The following CYP4F3 variants were observed in gnomAD, a reference collection of about 807,000 sequenced individuals.
CYP4F3 encodes the protein cytochrome P450 family 4 subfamily F member 3, also known as cytochrome P450 4F3.
CYP4F3 carries 50 observed loss-of-function variants against 54.8 expected under a neutral mutation model. That is an observed-to-expected ratio of 0.91 (90% CI 0.73 to 1.16). The LOEUF is 1.16. Ranked by LOEUF, CYP4F3 falls within the 50% of genes most tolerant of loss-of-function variation. The pLI is 0.00. For missense variants in CYP4F3, 715 were observed against 676.2 expected, an observed-to-expected ratio of 1.06 and a Z score of -0.64; for synonymous variants, 244 against 262.6, an observed-to-expected ratio of 0.93 and a Z score of 0.69.
chr19:15,656,907 T>G (rs1973043015), intron 9 of CYP4F3, among the ~76,000 whole-genome samples: 1 of 152,200 alleles, frequency 6.6e-6, no homozygotes, highest in South Asian at 2.1e-4. Flanking sequence ...GGTGCCTTAA[T>G]GCTATCTTTT....
intron 2 of CYP4F3, among the ~76,000 whole-genome samples, chr19:15,645,510 G>C (rs1972596580): frequency 6.6e-6 from 1 of 152,196 alleles, no homozygotes; most frequent in Admixed American, 6.5e-5. Context: ...GATCCACATG[G>C]GGAAAGAGCT....
At chr19:15,654,037 A>G (rs1488209641) in intron 9 of CYP4F3, among the ~76,000 whole-genome samples, 1 of 152,050 alleles carries the variant, frequency 6.6e-6, no homozygotes, top group Non-Finnish European at 1.5e-5. Context: ...AGGACCAGCT[A>G]TAGAATGAGA....
intron 9 of CYP4F3, among the ~76,000 whole-genome samples, chr19:15,655,660 T>G (rs2683053): frequency 6.6e-6 from 1 of 152,072 alleles, no homozygotes; most frequent in East Asian, 1.9e-4. Flanking sequence ...ATATGAACAC[T>G]TACTGTGCTT....
intron 9 of CYP4F3, among the ~76,000 whole-genome samples, chr19:15,655,940 A>G (rs1218264112): frequency 6.6e-6 from 1 of 152,214 alleles, no homozygotes; most frequent in East Asian, 1.9e-4. Flanking sequence ...TTTGAAGTTT[A>G]CTTTCTTAGC....
chr19:15,643,417 G>T (rs371542091), intron 2 of CYP4F3, among the ~76,000 whole-genome samples: 8,832 of 148,754 alleles, frequency 0.059, 511 homozygotes, highest in East Asian at 0.24. Context: ...TAGATAGATA[G>T]ATAGATAGAT....
chr19:15,653,760 GAGAGAGAGA>G (rs1304191519), intron 9 of CYP4F3, among the ~76,000 whole-genome samples: 2 of 150,198 alleles, frequency 1.3e-5, no homozygotes, highest in African/African-American at 4.9e-5. Flanking sequence ...GAGAGAGAGA[GAGAGAGAGA>G]GAGAGAGAGA....
chr19:15,656,856 T>A (rs1973041531), intron 9 of CYP4F3, among the ~76,000 whole-genome samples: 1 of 152,206 alleles, frequency 6.6e-6, no homozygotes, highest in Admixed American at 6.5e-5. Context: ...CTGTTTTACA[T>A]GTACATATGT....
At chr19:15,641,272 C>T in intron 1 of CYP4F3, 143 bp from the exon 2 acceptor site, 1 of 1,079,168 alleles carries the variant, frequency 9.3e-7, no homozygotes, top group South Asian at 1.6e-5. Context: ...CTTTACCCCT[C>T]AGCCCCTGTT....
intron 7 of CYP4F3, among the ~76,000 whole-genome samples, chr19:15,651,995 C>A (rs944576747): frequency 8.5e-5 from 13 of 152,058 alleles, no homozygotes; most frequent in African/African-American, 2.9e-4. Context: ...TTCCCCTGTA[C>A]GTGCAGCAGA....
chr19:15,647,554 C>T (rs769356552), intron 5 of CYP4F3, among the ~76,000 whole-genome samples: 6 of 152,142 alleles, frequency 3.9e-5, no homozygotes, highest in Non-Finnish European at 7.3e-5. Flanking sequence ...TTTCTATGTT[C>T]GCGTCACCCG....
intron 3 of CYP4F3, 43 bp from the exon 4 acceptor site, chr19:15,647,009 T>A: frequency 6.2e-7 from 1 of 1,611,544 alleles, no homozygotes; most frequent in Non-Finnish European, 8.5e-7. Context: ...AAGTTCCTCC[T>A]TCACCTGCCT....
chr19:15,642,116 T>G (rs1398381174), intron 2 of CYP4F3, among the ~76,000 whole-genome samples: 1 of 152,170 alleles, frequency 6.6e-6, no homozygotes, highest in Admixed American at 6.5e-5. Flanking sequence ...GGGGTCCTGT[T>G]GCCAAACCCA....
Position 15,659,335 on chromosome 19 carries a change from G to C in CYP4F3, c.1513G>C (p.Val505Leu), listed in dbSNP as rs1270945930. ...CGAGCCCCGCAGGAAGCCGGAGCTG[G>C]TCCTGCGCGCAGAGGGCGGACTTTG... Reference protein sequence around the residue: ...HTEPRRKPELVLRAEGGLWLR... With the variant: ...HTEPRRKPELLLRAEGGLWLR... Residue 505 changes from valine (V) to leucine (L), a missense_variant, in exon 13 of 13, where the codon GTC (valine) becomes CTC (leucine). Coordinates refer to ENST00000221307, the MANE Select transcript of CYP4F3 (RefSeq NM_000896.3). The C allele has an allele frequency of 2.5e-6, 4 of 1,613,490 alleles. No homozygotes were observed. The Admixed American group carries it at 5.0e-5, about 20-fold the overall frequency.
chr19:15,658,200 A>G, intron 9 of CYP4F3, 64 bp from the exon 10 acceptor site: 1 of 1,583,530 alleles, frequency 6.3e-7, no homozygotes, highest in Non-Finnish European at 8.5e-7. Context: ...TTGCAAACAG[A>G]GAGAAGCTGG....
intron 2 of CYP4F3, chr19:15,643,860 C>A: frequency 6.7e-7 from 1 of 1,483,234 alleles, no homozygotes; most frequent in African/African-American, 1.4e-5. Flanking sequence ...AAGTGGACAC[C>A]TAGAATTAAC....
At chr19:15,650,658 CTTTTTCTTTCTTTCTTTCTTTCTT>C (rs1171758192) in intron 7 of CYP4F3, among the ~76,000 whole-genome samples, 7 of 71,852 alleles carry the variant, frequency 9.7e-5, no homozygotes, top group African/African-American at 5.2e-4. Flanking sequence ...TCCCTGCCTT[CTTTTTCTTTCTTTCTTTCTTTCTT>C]TCTTTCTTTC....
chr19:15,646,384 C>T (rs543323328), intron 3 of CYP4F3, among the ~76,000 whole-genome samples: 1 of 152,188 alleles, frequency 6.6e-6, no homozygotes, highest in African/African-American at 2.4e-5. Flanking sequence ...CTGTCTGAGA[C>T]ATTATTTGAG....
At chr19:15,656,111 A>G (rs1395233117) in intron 9 of CYP4F3, among the ~76,000 whole-genome samples, 1 of 149,140 alleles carries the variant, frequency 6.7e-6, no homozygotes, top group Non-Finnish European at 1.5e-5. Flanking sequence ...CCACCATTCT[A>G]TTCCTATTTC....
rs1555745004 is a variant in CYP4F3 at position 15,661,299 on chromosome 19, A to AGAAAC, written c.*1914_*1915insGAAAC. The AGAAAC allele has an allele frequency of 2.7e-5, 2 of 74,302 alleles. No homozygotes were observed. The highest frequency in any genetic ancestry group is 1.1e-4 in the African/African-American group (2 of 18,460). The allele number at this position is 74,302 out of a possible 1,614,324, so 4.6% of individuals were successfully genotyped here. On this transcript the variant is annotated 3_prime_UTR_variant, in exon 13 of 13. Coordinates refer to ENST00000221307, the MANE Select transcript of CYP4F3 (RefSeq NM_000896.3). ...AAAACAAAACAAAACAAAACAAAAC[A>AGAAAC]AAAACAAAACAAAACAAAACAAAAC...
Sources: gnomAD v4.1 joint callset for allele counts (sites outside exome capture counted in the v4.1 genomes callset) on GRCh38, gnomAD v4.1.1 for gene constraint, MANE v1.5 for transcripts, NCBI Gene and HGNC (gene_info 2026-07-23, HGNC 2026-07-21) for gene names.